Variants in RASGRF1 observed in about 807,000 individuals in gnomAD.
RASGRF1 encodes ras-specific guanine nucleotide-releasing factor 1.
RASGRF1 carries 40 observed loss-of-function variants against 138.7 expected under a neutral mutation model. The ratio of observed to expected loss-of-function variants is 0.29; its 90% confidence interval spans 0.22 to 0.38. RASGRF1 has a LOEUF of 0.38. Ranked by LOEUF, RASGRF1 falls within the 10% of genes least tolerant of loss-of-function variation. The pLI is 1.00. For missense variants in RASGRF1, 1,108 were observed against 1,650.4 expected, an observed-to-expected ratio of 0.67 and a Z score of 5.69; for synonymous variants, 614 against 663.2, an observed-to-expected ratio of 0.93 and a Z score of 1.14.
intron 14 of RASGRF1, chr15:79,005,509 T>C: frequency 1.0e-6 from 1 of 985,394 alleles, no homozygotes; most frequent in Non-Finnish European, 1.2e-6. Context: ...CTGGATGCAG[T>C]GAAGTCCATT....
At chr15:79,026,510 G>A (rs2057056373) in intron 9 of RASGRF1, among the ~76,000 whole-genome samples, 1 of 152,176 alleles carries the variant, frequency 6.6e-6, no homozygotes, top group South Asian at 2.1e-4. Flanking sequence ...GGAGGGCAGG[G>A]CTGAGGCTGT....
At chr15:79,089,799 A>G (rs1402824220) in intron 1 of RASGRF1, among the ~76,000 whole-genome samples, 4 of 152,198 alleles carry the variant, frequency 2.6e-5, no homozygotes, top group Non-Finnish European at 5.9e-5. Context: ...AGCGCGGGGA[A>G]TTACACGTTC....
At chr15:79,090,193 A>C (rs1193408934) in intron 1 of RASGRF1, 30 bp downstream of exon 1, 2 of 1,565,832 alleles carry the variant, frequency 1.3e-6, no homozygotes, top group African/African-American at 1.4e-5. Context: ...GCCGGGACGC[A>C]GGGAGGTCAG....
intron 15 of RASGRF1, among the ~76,000 whole-genome samples, 192 bp from the exon 16 acceptor site, chr15:79,001,979 TGTC>T (rs997550876): frequency 2.0e-5 from 3 of 152,236 alleles, no homozygotes; most frequent in African/African-American, 7.2e-5. Flanking sequence ...TAATGAGCAC[TGTC>T]GATCTCCAAG....
intron 16 of RASGRF1, 136 bp from the exon 17 acceptor site, chr15:79,000,049 G>C: frequency 2.3e-6 from 2 of 874,460 alleles, no homozygotes; most frequent in South Asian, 3.3e-5. Context: ...GGCATGTCGG[G>C]TGGTGCTGGT....
At chr15:79,080,348 T>A (rs750443669) in intron 1 of RASGRF1, among the ~76,000 whole-genome samples, 10 of 152,008 alleles carry the variant, frequency 6.6e-5, no homozygotes, top group African/African-American at 2.4e-4. Context: ...GGAAGGCCCA[T>A]TGAGGGAGGA....
chr15:79,068,560 T>C (rs1403734636), intron 1 of RASGRF1, among the ~76,000 whole-genome samples: 1 of 149,060 alleles, frequency 6.7e-6, no homozygotes, highest in Non-Finnish European at 1.5e-5. Flanking sequence ...CATGCTTTTA[T>C]ATCGATGTAT....
intron 22 of RASGRF1, 127 bp from the exon 23 acceptor site, chr15:78,985,331 A>G: frequency 4.9e-6 from 5 of 1,024,846 alleles, no homozygotes; most frequent in Non-Finnish European, 7.0e-6. Flanking sequence ...CTACGAGAAC[A>G]ACTAACAGAG....
chr15:79,088,562 T>G (rs2058012035), intron 1 of RASGRF1, among the ~76,000 whole-genome samples: 1 of 152,196 alleles, frequency 6.6e-6, no homozygotes. Context: ...TATGAGCCCA[T>G]GCCAACTTGG....
At chr15:79,086,475 C>T (rs894592951) in intron 1 of RASGRF1, among the ~76,000 whole-genome samples, 2 of 152,088 alleles carry the variant, frequency 1.3e-5, no homozygotes, top group Non-Finnish European at 2.9e-5. Flanking sequence ...CTGAATCTGC[C>T]AGGCCAACCA....
intron 1 of RASGRF1, among the ~76,000 whole-genome samples, chr15:79,067,870 G>A (rs146682717): frequency 6.6e-6 from 1 of 152,260 alleles, no homozygotes; most frequent in East Asian, 1.9e-4. Context: ...AATCCACTGG[G>A]AAAGACCAAA....
In RASGRF1 at chr15:79,027,871, G is replaced by A; in HGVS notation, c.1263-12C>T. On this transcript the variant is annotated splice_polypyrimidine_tract_variant and intron_variant, in intron 8 of 26. Coordinates refer to ENST00000558480, the MANE Select transcript of RASGRF1 (RefSeq NM_001145648.3). The surrounding 1 kb of genome is among the most constrained non-coding windows in gnomAD (Gnocchi z 4.8). ...CATCGTGCATTATTCTGTGGGGATG[G>A]GAAACTGCACAGTCAGAGACAGGCT... The A allele has an allele frequency of 6.2e-7, 1 of 1,613,494 alleles. No homozygotes were observed. Among genetic ancestry groups the A allele is most frequent in the Non-Finnish European group, 8.5e-7 (1 of 1,179,416 alleles).
intron 12 of RASGRF1, among the ~76,000 whole-genome samples, chr15:79,016,316 A>G (rs2117586): frequency 0.49 from 73,785 of 152,094 alleles, 18,723 homozygotes; most frequent in East Asian, 0.83. Context: ...ACTTCTGGGC[A>G]AGGCCACGAC....
chr15:78,988,407 A>G (rs2056204310), intron 22 of RASGRF1, among the ~76,000 whole-genome samples: 1 of 152,142 alleles, frequency 6.6e-6, no homozygotes, highest in Non-Finnish European at 1.5e-5. Flanking sequence ...CTGTCAGGTT[A>G]TGTTTCCCGA....
intron 5 of RASGRF1, among the ~76,000 whole-genome samples, chr15:79,039,623 A>G (rs1359521497): frequency 6.6e-6 from 1 of 152,184 alleles, no homozygotes; most frequent in African/African-American, 2.4e-5. Flanking sequence ...ACATCTTTTC[A>G]TCCAGGTGCA....
At chr15:78,965,018 G>A (rs762548781) in intron 26 of RASGRF1, among the ~76,000 whole-genome samples, 1 of 151,992 alleles carries the variant, frequency 6.6e-6, no homozygotes, top group Non-Finnish European at 1.5e-5. Flanking sequence ...GCGCCCGGCC[G>A]TTTTCAGGTT....
chr15:79,000,933 T>A (rs2056507889), intron 16 of RASGRF1, among the ~76,000 whole-genome samples: 4 of 152,172 alleles, frequency 2.6e-5, no homozygotes, highest in Admixed American at 2.6e-4. Flanking sequence ...GCCCTTTGCA[T>A]GTGAGAGCAG....
At chr15:79,039,113 A>C (rs1567560488) in intron 5 of RASGRF1, among the ~76,000 whole-genome samples, 1 of 151,454 alleles carries the variant, frequency 6.6e-6, no homozygotes, top group Non-Finnish European at 1.5e-5. Flanking sequence ...GAGTCTGGGC[A>C]CTATAGGGAG....
chr15:78,967,941 A>G (rs2055675104), intron 26 of RASGRF1, among the ~76,000 whole-genome samples: 1 of 152,216 alleles, frequency 6.6e-6, no homozygotes, highest in African/African-American at 2.4e-5. Context: ...AAATTAGCTG[A>G]TGTACAGACC....
Sources: gnomAD v4.1 joint callset for allele counts (sites outside exome capture counted in the v4.1 genomes callset) on GRCh38, gnomAD v4.1.1 for gene constraint, Gnocchi (gnomAD v3.1) non-coding constraint, MANE v1.5 for transcripts, NCBI Gene and HGNC (gene_info 2026-07-23, HGNC 2026-07-21) for gene names.